The following PIK3C2G variants were observed in gnomAD, a reference collection of about 807,000 sequenced individuals.
The protein encoded by PIK3C2G is phosphatidylinositol 3-kinase C2 domain-containing subunit gamma.
PIK3C2G carries 168 observed loss-of-function variants against 181.1 expected under a neutral mutation model. The ratio of observed to expected loss-of-function variants is 0.93; its 90% CI spans 0.82 to 1.05. The LOEUF is 1.05. PIK3C2G is among the 50% of genes least tolerant of loss of function. The pLI, the probability that PIK3C2G is intolerant of heterozygous loss-of-function variation, is 0.00. For missense variants in PIK3C2G, 1,869 were observed against 1,732.8 expected, an observed-to-expected ratio of 1.08 and a Z score of -1.40; for synonymous variants, 573 against 592.2, an observed-to-expected ratio of 0.97 and a Z score of 0.47.
At chr12:18,501,106 A>G (rs1336431966) in intron 22 of PIK3C2G, among the ~76,000 whole-genome samples, 2 of 152,218 alleles carry the variant, frequency 1.3e-5, no homozygotes, top group African/African-American at 2.4e-5. Flanking sequence ...TAAGAGCTGT[A>G]ACACTCACCG....
At chr12:18,421,238 A>C (rs71539456) in intron 17 of PIK3C2G, among the ~76,000 whole-genome samples, 1 of 151,990 alleles carries the variant, frequency 6.6e-6, no homozygotes, top group Non-Finnish European at 1.5e-5. Flanking sequence ...AAAAAGGAAA[A>C]TTTTTTAAAA....
At chr12:18,631,570 C>T (rs1341866613) in intron 31 of PIK3C2G, among the ~76,000 whole-genome samples, 2 of 152,064 alleles carry the variant, frequency 1.3e-5, no homozygotes, top group Non-Finnish European at 1.5e-5. Context: ...AGATTCAGTA[C>T]ACCAGTGGTA....
chr12:18,389,406 A>C (rs1354547962), intron 14 of PIK3C2G, among the ~76,000 whole-genome samples: 1 of 151,896 alleles, frequency 6.6e-6, no homozygotes. Flanking sequence ...AGCCACAGCC[A>C]TAGAAGGAGA....
At chr12:18,431,739 T>A (rs570029246) in intron 18 of PIK3C2G, among the ~76,000 whole-genome samples, 76 of 152,314 alleles carry the variant, frequency 5.0e-4, no homozygotes, top group African/African-American at 1.4e-3. Flanking sequence ...AACTAATTTA[T>A]TTTTTTACCT....
At chr12:18,438,511 A>G (rs936941012) in intron 18 of PIK3C2G, among the ~76,000 whole-genome samples, 16 of 151,866 alleles carry the variant, frequency 1.1e-4, no homozygotes, top group Admixed American at 2.0e-4. Context: ...GCTAGACACT[A>G]TGGTAGTCAT....
intron 31 of PIK3C2G, among the ~76,000 whole-genome samples, chr12:18,614,739 CA>C (rs2136629329): frequency 6.6e-6 from 1 of 152,164 alleles, no homozygotes; most frequent in East Asian, 1.9e-4. Context: ...ATTAAATTTA[CA>C]TCTCTACATT....
chr12:18,292,080 C>T (rs909282643), intron 4 of PIK3C2G, among the ~76,000 whole-genome samples: 1 of 150,152 alleles, frequency 6.7e-6, no homozygotes, highest in Non-Finnish European at 1.5e-5. Flanking sequence ...TGTGATGGCG[C>T]ATGCCTGTAA....
At chr12:18,267,698 C>G (rs1948563297) in intron 1 of PIK3C2G, among the ~76,000 whole-genome samples, 1 of 152,092 alleles carries the variant, frequency 6.6e-6, no homozygotes, top group African/African-American at 2.4e-5. Context: ...ACTTAATTTC[C>G]CTAAATTCTG....
intron 1 of PIK3C2G, among the ~76,000 whole-genome samples, chr12:18,263,544 T>G (rs1948343587): frequency 6.6e-6 from 1 of 152,166 alleles, no homozygotes; most frequent in Admixed American, 6.5e-5. Flanking sequence ...TGTAGCAGTA[T>G]AAACTGTTGC....
intron 18 of PIK3C2G, among the ~76,000 whole-genome samples, chr12:18,479,152 C>G (rs1010722151): frequency 1.3e-5 from 2 of 151,564 alleles, no homozygotes; most frequent in Non-Finnish European, 2.9e-5. Context: ...CATATACACA[C>G]ACATACATAC....
chr12:18,301,398 T>A (rs1326359530), intron 5 of PIK3C2G, among the ~76,000 whole-genome samples: 1 of 152,154 alleles, frequency 6.6e-6, no homozygotes, highest in East Asian at 1.9e-4. Context: ...TTCTTTATTT[T>A]GAAAATATTG....
intron 10 of PIK3C2G, among the ~76,000 whole-genome samples, chr12:18,346,322 AT>A (rs1474846415): frequency 6.6e-6 from 1 of 152,202 alleles, no homozygotes; most frequent in Non-Finnish European, 1.5e-5. Context: ...ACAATCACAA[AT>A]CAGAACAAAA....
At chr12:18,299,194 T>C (rs557171883) in intron 5 of PIK3C2G, among the ~76,000 whole-genome samples, 1 of 152,158 alleles carries the variant, frequency 6.6e-6, no homozygotes, top group Non-Finnish European at 1.5e-5. Flanking sequence ...TTTCCATTTA[T>C]TTGTGTGCTG....
chr12:18,687,977 A>G, the PIK3C2G span: 187,233 of 1,409,170 alleles, frequency 0.13, 13,085 homozygotes, highest in Non-Finnish European at 0.14. Flanking sequence ...CATAATGGAA[A>G]ACCCTTGTCT....
At chr12:18,657,627 A>G in the PIK3C2G span, among the ~76,000 whole-genome samples, 5 of 152,202 alleles carry the variant, frequency 3.3e-5, no homozygotes, top group African/African-American at 1.2e-4. Context: ...TACAACAATG[A>G]ATACATACTT....
intron 11 of PIK3C2G, among the ~76,000 whole-genome samples, chr12:18,349,366 C>T (rs1373251485): frequency 6.6e-6 from 1 of 152,006 alleles, no homozygotes; most frequent in East Asian, 1.9e-4. Context: ...TCAAAAGGAC[C>T]ATAATTAATG....
At chr12:18,645,035 A>T (rs1950043444) in intron 32 of PIK3C2G, among the ~76,000 whole-genome samples, 2 of 152,314 alleles carry the variant, frequency 1.3e-5, no homozygotes, top group African/African-American at 4.8e-5. Flanking sequence ...AGACGTAATA[A>T]TTCCAAACCC....
the PIK3C2G span, among the ~76,000 whole-genome samples, chr12:18,703,662 T>C: frequency 6.6e-6 from 1 of 152,216 alleles, no homozygotes; most frequent in South Asian, 2.1e-4. Flanking sequence ...ATCTGTATGT[T>C]AACCCTTGTG....
intron 1 of PIK3C2G, among the ~76,000 whole-genome samples, chr12:18,272,872 T>C (rs1054432997): frequency 6.6e-6 from 1 of 152,144 alleles, no homozygotes; most frequent in African/African-American, 2.4e-5. Context: ...AACCCTGCTT[T>C]CTTTTACTAG....
Sources: gnomAD v4.1 joint callset for allele counts (sites outside exome capture counted in the v4.1 genomes callset) on GRCh38, gnomAD v4.1.1 for gene constraint, MANE v1.5 for transcripts, NCBI Gene and HGNC (gene_info 2026-07-23, HGNC 2026-07-21) for gene names.